Variants in ITGB4 observed in about 807,000 individuals in gnomAD.
ITGB4 encodes integrin beta-4.
Under a neutral mutation model 207.6 loss-of-function variants are expected in ITGB4, and 159 were observed. The ratio of observed to expected loss-of-function variants is 0.77; its 90% CI spans 0.67 to 0.87. ITGB4 has a LOEUF of 0.87. Ranked by LOEUF, ITGB4 falls within the 40% of genes least tolerant of loss-of-function variation. ITGB4 has a pLI of 0.00. For synonymous variants in ITGB4, 1,020 were observed against 1,062.7 expected (o/e 0.96, Z 0.78); for missense variants, 2,278 against 2,546.8 (o/e 0.89, Z 2.27).
rs111484297 is a variant in ITGB4, at chr17:75,742,491, T to C, written c.2782+2T>C. The C allele has an allele frequency of 6.2e-7, 1 of 1,612,824 alleles. No homozygotes were observed. Among genetic ancestry groups the C allele is most frequent in the South Asian group, 1.1e-5 (1 of 91,046 alleles). ...ACTACACCCTCACTGCAGACCAGGGTAGGAGGGCGGGTCCGCTGTGCCACT... is the reference window on the plus strand; with the variant it reads ...ACTACACCCTCACTGCAGACCAGGGCAGGAGGGCGGGTCCGCTGTGCCACT... On this transcript the variant is annotated splice_donor_variant, in intron 24 of 39. Coordinates refer to ENST00000200181, the MANE Select transcript of ITGB4 (RefSeq NM_000213.5). LOFTEE classifies it high-confidence loss of function. This position sits in a 1 kb window ranked among gnomAD's most constrained non-coding sequence, Gnocchi z 5.9.
intron 12 of ITGB4, 21 bp from the exon 13 acceptor site, chr17:75,733,469 A>C (rs759780056): frequency 6.2e-7 from 1 of 1,609,546 alleles, no homozygotes; most frequent in Non-Finnish European, 8.5e-7. Flanking sequence ...TGTTTCGGGG[A>C]ATGACCAGTT....
Position 75,740,013 on chromosome 17 carries a change from C to T in ITGB4, c.2388C>T (p.Asn796=). ...GRDVVRWKVT[N]NMQRPGFATH... The stretch of plus-strand genomic sequence containing the variant: ...ACGTGGTCCGCTGGAAGGTCACCAA[C>T]AACATGCAGCGGCCTGGCTTTGCCA... Residue 796 remains asparagine, a synonymous_variant, in exon 20 of 40, where the codon AAC becomes AAT. Coordinates refer to ENST00000200181, the MANE Select transcript of ITGB4 (RefSeq NM_000213.5). The surrounding 1 kb of genome is among the most constrained non-coding windows in gnomAD (Gnocchi z 5.9). The T allele has an allele frequency of 6.2e-7, 1 of 1,613,162 alleles. No individual in the cohort carries two copies. Among genetic ancestry groups the T allele is most frequent in the Non-Finnish European group, 8.5e-7 (1 of 1,180,018 alleles).
At position 75,750,768 on chromosome 17, in the gene ITGB4, C is replaced by T. The variant is rs1358810148; in HGVS notation, c.3563C>T (p.Pro1188Leu). 6 of 1,613,558 alleles carry T rather than the reference C, an allele frequency of 3.7e-6. No individual in the cohort carries two copies. The East Asian group carries it at 8.9e-5, about 24-fold the overall frequency. ...TCAGTGGAGCTCACCAACCTGTACCCGTATTGCGACTATGAGATGAAGGTG... is the reference window on the plus strand; with the variant it reads ...TCAGTGGAGCTCACCAACCTGTACCTGTATTGCGACTATGAGATGAAGGTG... ...VPSVELTNLY[P>L]YCDYEMKVCA... The change falls in exon 29 of 40, where the codon CCG becomes CTG. Residue 1188 changes from proline to leucine, a missense_variant. By Grantham distance (98) the Pro-to-Leu change is moderately conservative (BLOSUM62 -3). Coordinates refer to ENST00000200181, the MANE Select transcript of ITGB4 (RefSeq NM_000213.5). This position sits in a 1 kb window ranked among gnomAD's most constrained non-coding sequence, Gnocchi z 5.5.
intron 30 of ITGB4, chr17:75,751,597 C>G (rs2061368256): frequency 1.3e-5 from 3 of 230,990 alleles, no homozygotes; most frequent in Non-Finnish European, 2.6e-5. Flanking sequence ...AAAAATTAGA[C>G]AGGCATGGTG....
intron 23 of ITGB4, among the ~76,000 whole-genome samples, chr17:75,741,617 C>T (rs2061112420): frequency 6.6e-6 from 1 of 151,868 alleles, no homozygotes; most frequent in South Asian, 2.1e-4. Flanking sequence ...ACTAGCCAGG[C>T]CAACATGGTG....
At position 75,751,097 on chromosome 17, in the gene ITGB4, T is replaced by C. The variant is rs2061357402; in HGVS notation, c.3779T>C (p.Val1260Ala). Residue 1260 changes from valine to alanine, a missense_variant, in exon 30 of 40, where the codon GTC (valine) becomes GCC (alanine). Coordinates refer to ENST00000200181, the MANE Select transcript of ITGB4 (RefSeq NM_000213.5). ...GCCTACGAGGTCTGCTATGGCCTGG[T>C]CAACGATGACAACCGTAAGAACCAG... is the stretch of plus-strand genomic sequence containing the variant. ...ITAYEVCYGL[V>A]NDDNRPIGPM... is the part of the protein sequence containing the mutation. 3 of 1,613,558 alleles carry C rather than the reference T, an allele frequency of 1.9e-6. No homozygotes were observed. The highest frequency in any genetic ancestry group is 2.5e-6 in the Non-Finnish European group (3 of 1,180,024).
intron 34 of ITGB4, 23 bp downstream of exon 34, chr17:75,754,838 GC>G: frequency 6.2e-7 from 1 of 1,613,958 alleles, no homozygotes; most frequent in Non-Finnish European, 8.5e-7. Context: ...AGCCAACCCT[GC>G]CTCTCCCACT....
chr17:75,749,304 G>A (rs755536525), intron 27 of ITGB4, among the ~76,000 whole-genome samples: 14 of 152,092 alleles, frequency 9.2e-5, no homozygotes, highest in Non-Finnish European at 1.6e-4. Flanking sequence ...AAGGTGGGAG[G>A]ATCACTTGAG....
rs2060889391 is a variant in ITGB4 at position 75,732,764 on chromosome 17, TC to T, written c.1454+526del. Among the ~76,000 whole-genome samples the T allele has an allele frequency of 6.6e-6, 1 of 152,094 alleles. No individual in the cohort carries two copies. The highest frequency in any genetic ancestry group is 2.4e-5 in the African/African-American group (1 of 41,416). On this transcript the variant is annotated intron_variant, in intron 12 of 39. Transcript: ENST00000200181. The surrounding 1 kb of genome is among the most constrained non-coding windows in gnomAD (Gnocchi z 5.3). ...GCATGACTGGGAGCTGCCTCGGCCCTCTCAGAGCCTCAGTTTCCTCATCTGT... is the reference window on the plus strand; with the variant it reads ...GCATGACTGGGAGCTGCCTCGGCCCTTCAGAGCCTCAGTTTCCTCATCTGT...
rs1181191319 is a variant in ITGB4, at chr17:75,752,480, C to T, written c.4011C>T (p.Ala1337=). ...PIIPDIPIVD[A]QSGEDYDSFL... ...TCCCTGACATCCCTATCGTGGACGC[C>T]CAGAGCGGGGAGGACTACGACAGCT... The change falls in exon 32 of 40, where the codon GCC becomes GCT. Residue 1337 remains alanine, a synonymous_variant. Coordinates refer to ENST00000200181, the MANE Select transcript of ITGB4 (RefSeq NM_000213.5). The T allele has an allele frequency of 6.2e-7, 1 of 1,613,496 alleles. No homozygotes were observed. The highest frequency in any genetic ancestry group is 1.7e-5 in the Admixed American group (1 of 60,006).
Position 75,755,166 on chromosome 17 carries a change from ACT to A in ITGB4, c.4558+354_4558+355del, listed in dbSNP as rs746404431. On this transcript the variant is annotated intron_variant, in intron 34 of 39. Coordinates refer to ENST00000200181, the MANE Select transcript of ITGB4 (RefSeq NM_000213.5). ...TTCCCCCCTTCCAGGGGCCCACGAGACTCTATAATCCTGGCTGGGAGGCCAGC... is the reference window on the plus strand; with the variant it reads ...TTCCCCCCTTCCAGGGGCCCACGAGACTATAATCCTGGCTGGGAGGCCAGC... The A allele has an allele frequency of 3.1e-6, 5 of 1,610,250 alleles. No individual in the cohort carries two copies. The South Asian group carries it at 3.3e-5, about 11-fold the overall frequency.
chr17:75,741,272 C>T (rs1411003064), intron 23 of ITGB4, among the ~76,000 whole-genome samples: 1 of 152,172 alleles, frequency 6.6e-6, no homozygotes, highest in Non-Finnish European at 1.5e-5. Context: ...GACTGTCCAG[C>T]CCCCCACCCG....
chr17:75,730,548 G>A (rs773408017), intron 8 of ITGB4, 44 bp downstream of exon 8: 1 of 1,608,912 alleles, frequency 6.2e-7, no homozygotes, highest in Non-Finnish European at 8.5e-7. Flanking sequence ...TCAAGGTAGG[G>A]GGTCCATGGA....
In ITGB4 at chr17:75,750,509, AC is replaced by A. The variant is rs2143358824; in HGVS notation, c.3475-166del. 6.6e-6 allele frequency among the ~76,000 whole-genome samples: 1 copy of A among 151,678 alleles called. No individual in the cohort carries two copies. The highest frequency in any genetic ancestry group is 1.9e-4 in the East Asian group (1 of 5,144). On this transcript the variant is annotated intron_variant, in intron 28 of 39. Coordinates refer to ENST00000200181, the MANE Select transcript of ITGB4 (RefSeq NM_000213.5). This position sits in a 1 kb window ranked among gnomAD's most constrained non-coding sequence, Gnocchi z 5.5. ...CCCCTCCCACCCCCGCATGGGAGAT[AC>A]CCCCACCTGCTCTGCCCTAGTCCTG...
chr17:75,757,579 A>C lies in ITGB4; in HGVS notation c.*24A>C. 6.2e-7 allele frequency: 1 copy of C among 1,611,944 alleles called. No homozygotes were observed. The highest frequency in any genetic ancestry group is 1.3e-5 in the African/African-American group (1 of 74,446). On this transcript the variant is annotated 3_prime_UTR_variant, in exon 40 of 40. Coordinates refer to ENST00000200181, the MANE Select transcript of ITGB4 (RefSeq NM_000213.5). ...GACCGCACCCTGCCCCACCCCCGCC[A>C]CGTCCCACTAGGCGTCCTCCCGACT...
At chr17:75,734,137 T>G (rs1331178816) in intron 13 of ITGB4, among the ~76,000 whole-genome samples, 3 of 141,440 alleles carry the variant, frequency 2.1e-5, no homozygotes, top group African/African-American at 5.3e-5. Context: ...GTTTTTTTTT[T>G]TTTTTTTTTT....
In ITGB4 at chr17:75,736,552, T is replaced by C; in HGVS notation, c.1861-13T>C. On this transcript the variant is annotated splice_polypyrimidine_tract_variant and intron_variant, in intron 15 of 39. Transcript: ENST00000200181. ...CAACACAGTGCCTGTCTGCCCCGCC[T>C]TTCCCCGCCAAGATCCACCCGGGCC... 1 of 1,592,600 alleles carries C rather than the reference T, an allele frequency of 6.3e-7. No homozygotes were observed. The highest frequency in any genetic ancestry group is 8.5e-7 in the Non-Finnish European group (1 of 1,170,096).
At position 75,728,505 on chromosome 17, in the gene ITGB4, A is replaced by C. The variant is rs2060775265; in HGVS notation, c.566+32A>C. Reference sequence around the variant, plus strand: ...GACTGTGTGGGTCCCGCAGGTGGGCAAGGGTCCAGGCCATGTGACCCCCAC... The same window carrying C: ...GACTGTGTGGGTCCCGCAGGTGGGCCAGGGTCCAGGCCATGTGACCCCCAC... On this transcript the variant is annotated intron_variant, in intron 6 of 39. Coordinates refer to ENST00000200181, the MANE Select transcript of ITGB4 (RefSeq NM_000213.5). 1.9e-6 allele frequency: 3 copies of C among 1,555,362 alleles called. No homozygotes were observed. The East Asian group carries it at 6.7e-5, about 35-fold the overall frequency.
In ITGB4 at chr17:75,731,957, T is replaced by C; in HGVS notation, c.1361T>C (p.Val454Ala). 3.7e-6 allele frequency: 6 copies of C among 1,613,978 alleles called. No homozygotes were observed. The highest frequency in any genetic ancestry group is 5.1e-6 in the Non-Finnish European group (6 of 1,180,016). Residue 454 changes from valine (V) to alanine (A), a missense_variant, in exon 11 of 40, where the codon GTG becomes GCG. Transcript: ENST00000200181. This position sits in a 1 kb window ranked among gnomAD's most constrained non-coding sequence, Gnocchi z 6.8. ...LKMDAGIICD[V>A]CTCELQKEVR... ...ATGGACGCGGGCATCATCTGTGATG[T>C]GTGCACCTGCGAGCTGGTACAACGC...
Sources: gnomAD v4.1 joint callset for allele counts (sites outside exome capture counted in the v4.1 genomes callset) on GRCh38, gnomAD v4.1.1 for gene constraint, Gnocchi (gnomAD v3.1) non-coding constraint, MANE v1.5 for transcripts, NCBI Gene and HGNC (gene_info 2026-07-23, HGNC 2026-07-21) for gene names.